CADM1: variants seen among roughly 807,000 people sequenced by gnomAD.
CADM1 encodes TSLC-1.
CADM1 carries 15 observed loss-of-function variants against 53.1 expected under a neutral mutation model. That is an observed-to-expected ratio of 0.28 (90% CI 0.19 to 0.44). The LOEUF is 0.44. CADM1 is among the 20% of genes least tolerant of loss of function. The pLI, the probability that CADM1 is intolerant of heterozygous loss-of-function variation, is 1.00. For missense variants in CADM1, 434 were observed against 611.3 expected (o/e 0.71, Z 3.06); for synonymous variants, 281 against 243.0 (o/e 1.16, Z -1.45).
At chr11:115,296,844 TAG>T (rs45610336) in intron 1 of CADM1, among the ~76,000 whole-genome samples, 17,042 of 152,248 alleles carry the variant, frequency 0.11, 1,070 homozygotes, top group South Asian at 0.27. Context: ...ATCTCATCTT[TAG>T]AGTGTGGACA....
chr11:115,499,059 T>TAA (rs916154412), intron 1 of CADM1, among the ~76,000 whole-genome samples: 1 of 147,220 alleles, frequency 6.8e-6, no homozygotes, highest in African/African-American at 2.5e-5. Context: ...CTGATCAATG[T>TAA]AAAAAAAAAA....
At chr11:115,428,195 T>C (rs529066062) in intron 1 of CADM1, among the ~76,000 whole-genome samples, 5 of 152,248 alleles carry the variant, frequency 3.3e-5, no homozygotes, top group Non-Finnish European at 7.4e-5. Flanking sequence ...AAACGTATCA[T>C]TAGATTGTAA....
intron 1 of CADM1, among the ~76,000 whole-genome samples, chr11:115,319,867 A>G (rs112509125): frequency 1.3e-5 from 2 of 152,336 alleles, no homozygotes; most frequent in African/African-American, 4.8e-5. Flanking sequence ...TACCAATTTT[A>G]GAGAACTAAA....
rs1260873433 is a variant in CADM1, at chr11:115,175,384, A to G, written c.*1090T>C. ...CTAACTAAGCACAAAGGAAAAAAAA[A>G]AAAAAATCAACTCTGTCCCATTCAG... On this transcript the variant is annotated 3_prime_UTR_variant, in exon 12 of 12. Coordinates refer to ENST00000331581, the MANE Select transcript of CADM1 (RefSeq NM_001301043.2). The G allele has an allele frequency of 4.1e-6, 4 of 985,646 alleles. No individual in the cohort carries two copies. Among genetic ancestry groups the G allele is most frequent in the South Asian group, 9.4e-5 (2 of 21,278 alleles). The allele number at this position is 985,646 out of a possible 1,614,324, so 61.1% of individuals were successfully genotyped here.
intron 1 of CADM1, among the ~76,000 whole-genome samples, chr11:115,406,409 A>T (rs1488125156): frequency 6.6e-6 from 1 of 151,594 alleles, no homozygotes. Context: ...TTTACTGAAG[A>T]TTAAACTAAC....
intron 1 of CADM1, among the ~76,000 whole-genome samples, chr11:115,348,425 A>G (rs7931806): frequency 0.021 from 3,204 of 152,298 alleles, 134 homozygotes; most frequent in African/African-American, 0.072. Flanking sequence ...CAATTCTCCT[A>G]AAGATTAGCT....
At chr11:115,214,182 T>G (rs921388400) in intron 7 of CADM1, among the ~76,000 whole-genome samples, 1 of 152,220 alleles carries the variant, frequency 6.6e-6, no homozygotes, top group African/African-American at 2.4e-5. Flanking sequence ...TTGGAATTAA[T>G]AGCTTCATGC....
intron 7 of CADM1, among the ~76,000 whole-genome samples, chr11:115,210,369 C>T (rs1420569628): frequency 3.3e-5 from 5 of 152,178 alleles, no homozygotes; most frequent in African/African-American, 9.7e-5. Flanking sequence ...AGAACGTTTT[C>T]CATCTTGTAA....
chr11:115,289,935 C>T (rs193299666), intron 1 of CADM1, among the ~76,000 whole-genome samples: 13 of 152,284 alleles, frequency 8.5e-5, no homozygotes, highest in East Asian at 1.9e-4. Flanking sequence ...AACTTAAATT[C>T]AATAGCCATA....
At chr11:115,364,733 G>A (rs1946115259) in intron 1 of CADM1, among the ~76,000 whole-genome samples, 1 of 151,982 alleles carries the variant, frequency 6.6e-6, no homozygotes, top group Non-Finnish European at 1.5e-5. Flanking sequence ...TTTCACATTT[G>A]GCACATTATC....
Position 115,368,110 on chromosome 11 carries a change from C to CTTTTT in CADM1, c.125-127695_125-127691dup, listed in dbSNP as rs58589028. ...AAAATGTCTTTATTATCACTAGAGTCTTTTTTTTTTTTTTTTTTTTTTTTT... is the reference window on the plus strand; with the variant it reads ...AAAATGTCTTTATTATCACTAGAGTCTTTTTTTTTTTTTTTTTTTTTTTTTTTTTT... On this transcript the variant is annotated intron_variant, in intron 1 of 11. Transcript: ENST00000331581. Among the ~76,000 whole-genome samples, 261 of 61,868 alleles carry CTTTTT rather than the reference C, an allele frequency of 4.2e-3. 8 individuals are homozygous for CTTTTT. Among genetic ancestry groups the CTTTTT allele is most frequent in the African/African-American group, 0.015 (227 of 14,764 alleles). The allele number at this position is 61,868 out of a possible 152,430, so 40.6% of individuals were successfully genotyped here. A position where few individuals can be genotyped will look rare whatever the true frequency, so the allele number is the denominator to read the frequency against.
At chr11:115,473,134 A>G (rs906261649) in intron 1 of CADM1, among the ~76,000 whole-genome samples, 1 of 152,024 alleles carries the variant, frequency 6.6e-6, no homozygotes, top group Non-Finnish European at 1.5e-5. Flanking sequence ...TTTGACTAAG[A>G]CTCCTTTTCC....
chr11:115,316,526 A>C (rs759426302), intron 1 of CADM1, among the ~76,000 whole-genome samples: 10 of 152,178 alleles, frequency 6.6e-5, no homozygotes, highest in Non-Finnish European at 1.2e-4. Flanking sequence ...TAAAGCCAAG[A>C]GGAGACATGG....
rs531727359 is a variant in CADM1 at position 115,374,861 on chromosome 11, G to A, written c.124+129410C>T. Among the ~76,000 whole-genome samples, 28 of 135,280 alleles carry A rather than the reference G, an allele frequency of 2.1e-4. No individual in the cohort carries two copies. In the South Asian group the frequency reaches 5.6e-3, roughly 27 times the overall value. The allele number at this position is 135,280 out of a possible 152,430, so 88.7% of individuals were successfully genotyped here. On this transcript the variant is annotated intron_variant, in intron 1 of 11. Transcript: ENST00000331581. Reference sequence around the variant, plus strand: ...AGCTATAGGCTAAGAAAAACTTGGCGTGCTAATCAAGTAGTTATACTCACG... The same window carrying A: ...AGCTATAGGCTAAGAAAAACTTGGCATGCTAATCAAGTAGTTATACTCACG...
rs1028641224 is a variant in CADM1, at chr11:115,173,555, C to G, written c.*2919G>C. The G allele has an allele frequency of 2.4e-5, 4 of 169,534 alleles. No homozygotes were observed. The Admixed American group carries it at 2.6e-4, about 11-fold the overall frequency. The allele number at this position is 169,534 out of a possible 1,614,324, so 10.5% of individuals were successfully genotyped here. On this transcript the variant is annotated 3_prime_UTR_variant, in exon 12 of 12. Transcript: ENST00000331581. ...CCCGTACATGGTCCTAAGGAGGAAG[C>G]TGGGACCAGAGGCCCATCTCTTCTC...
chr11:115,326,419 CA>C (rs1299360599), intron 1 of CADM1, among the ~76,000 whole-genome samples: 1 of 152,052 alleles, frequency 6.6e-6, no homozygotes, highest in Non-Finnish European at 1.5e-5. Context: ...TCCTAAGTCA[CA>C]AAACAGCCAC....
chr11:115,325,023 C>T (rs1237554575), intron 1 of CADM1, among the ~76,000 whole-genome samples: 2 of 152,178 alleles, frequency 1.3e-5, no homozygotes, highest in African/African-American at 4.8e-5. Context: ...AGAGCTCAAC[C>T]GTGCCTATCA....
intron 1 of CADM1, among the ~76,000 whole-genome samples, chr11:115,296,707 A>G (rs1944087842): frequency 6.6e-6 from 1 of 152,190 alleles, no homozygotes; most frequent in South Asian, 2.1e-4. Flanking sequence ...TTTCTTTATA[A>G]ATTATCTCAC....
At chr11:115,297,120 C>A (rs1241132915) in intron 1 of CADM1, among the ~76,000 whole-genome samples, 1 of 152,152 alleles carries the variant, frequency 6.6e-6, no homozygotes, top group Non-Finnish European at 1.5e-5. Context: ...AATAAATTAG[C>A]ACAAGGGTTT....
Sources: gnomAD v4.1 joint callset for allele counts (sites outside exome capture counted in the v4.1 genomes callset) on GRCh38, gnomAD v4.1.1 for gene constraint, MANE v1.5 for transcripts, NCBI Gene and HGNC (gene_info 2026-07-23, HGNC 2026-07-21) for gene names.